Variants in MTUS2 observed in about 807,000 individuals in gnomAD.
MTUS2 encodes microtubule-associated tumor suppressor candidate 2.
MTUS2 carries 40 observed loss-of-function variants against 114.1 expected under a neutral mutation model. The observed-to-expected ratio is 0.35, with a 90% confidence interval of 0.27 to 0.46. The LOEUF (loss-of-function observed/expected upper bound fraction) is 0.46, where lower values mean the gene tolerates loss of function less well. MTUS2 is among the 20% of genes least tolerant of loss of function. MTUS2 has a pLI of 1.00. For synonymous variants in MTUS2, 688 were observed against 672.0 expected, an observed-to-expected ratio of 1.02 and a Z score of -0.37; for missense variants, 1,679 against 1,705.4, an observed-to-expected ratio of 0.98 and a Z score of 0.27.
chr13:29,227,021 G>T (rs1319301313), intron 5 of MTUS2, among the ~76,000 whole-genome samples: 1 of 152,136 alleles, frequency 6.6e-6, no homozygotes. Context: ...ACTTTGGGAG[G>T]CTGAGGCAGG....
At chr13:29,458,918 C>T (rs989680053) in intron 9 of MTUS2, among the ~76,000 whole-genome samples, 4 of 152,276 alleles carry the variant, frequency 2.6e-5, no homozygotes, top group Admixed American at 2.6e-4. Flanking sequence ...CCGTGCTTCT[C>T]TGCTCCACAA....
At chr13:29,170,482 A>G (rs1426816498) in intron 5 of MTUS2, among the ~76,000 whole-genome samples, 1 of 152,204 alleles carries the variant, frequency 6.6e-6, no homozygotes, top group Non-Finnish European at 1.5e-5. Flanking sequence ...TCTGCTTCTA[A>G]GAGAGCTGTG....
intron 9 of MTUS2, among the ~76,000 whole-genome samples, chr13:29,454,997 T>C (rs941966355): frequency 5.3e-5 from 8 of 152,182 alleles, no homozygotes; most frequent in Non-Finnish European, 1.2e-4. Context: ...TTTGACACCA[T>C]AGCCTGTAAT....
At chr13:29,090,703 C>T (rs1421888771) in intron 4 of MTUS2, among the ~76,000 whole-genome samples, 1 of 152,236 alleles carries the variant, frequency 6.6e-6, no homozygotes, top group Non-Finnish European at 1.5e-5. Flanking sequence ...GATGCCCATA[C>T]AAAACTGGTC....
chr13:28,991,505 G>T lies in MTUS2; in HGVS notation c.-242-32952G>T, dbSNP rs373672929. Among the ~76,000 whole-genome samples the T allele has an allele frequency of 1.1e-3, 165 of 151,936 alleles. 1 individual carries two copies. Among genetic ancestry groups the T allele is most frequent in the African/African-American group, 3.6e-3 (150 of 41,448 alleles). The stretch of plus-strand genomic sequence containing the variant: ...TGCCTCAGCCTCCTGAGTAGGTAGG[G>T]CTACAGGTGCCCACCACCACGCCTA... On this transcript the variant is annotated intron_variant, in intron 2 of 15. Transcript: ENST00000612955.
At chr13:28,961,925 T>A (rs776926822) in intron 2 of MTUS2, among the ~76,000 whole-genome samples, 1 of 152,152 alleles carries the variant, frequency 6.6e-6, no homozygotes, top group African/African-American at 2.4e-5. Context: ...ATGTCCATCA[T>A]TGGTTATCAG....
chr13:28,958,297 C>T (rs1883166356), intron 2 of MTUS2, among the ~76,000 whole-genome samples: 1 of 152,180 alleles, frequency 6.6e-6, no homozygotes, highest in South Asian at 2.1e-4. Flanking sequence ...GCGTGGGCTG[C>T]CTGTTTTCCC....
At chr13:29,281,973 G>T (rs1469326972) in intron 6 of MTUS2, 108 bp downstream of exon 6, 2 of 1,225,320 alleles carry the variant, frequency 1.6e-6, no homozygotes, top group Non-Finnish European at 2.2e-6. Context: ...AGGGATGATT[G>T]ATTAAATGAT....
At chr13:29,472,286 T>G (rs567537467) in intron 9 of MTUS2, among the ~76,000 whole-genome samples, 2 of 152,316 alleles carry the variant, frequency 1.3e-5, no homozygotes, top group African/African-American at 2.4e-5. Flanking sequence ...CCTCCCAAAG[T>G]GCTGGGATTA....
intron 2 of MTUS2, among the ~76,000 whole-genome samples, chr13:28,841,634 C>T (rs1199213213): frequency 2.0e-5 from 3 of 151,542 alleles, no homozygotes; most frequent in Non-Finnish European, 2.9e-5. Flanking sequence ...AAGGGGCCTC[C>T]TCTTTGTGGT....
chr13:29,172,694 T>G (rs1442400987), intron 5 of MTUS2, among the ~76,000 whole-genome samples: 1 of 152,114 alleles, frequency 6.6e-6, no homozygotes, highest in Admixed American at 6.6e-5. Context: ...TTATCTCAAT[T>G]AAAAATTGAG....
intron 2 of MTUS2, among the ~76,000 whole-genome samples, chr13:28,930,555 T>C (rs1435846882): frequency 2.0e-5 from 3 of 152,216 alleles, no homozygotes; most frequent in African/African-American, 7.2e-5. Flanking sequence ...GAAAAGTGTG[T>C]AGAACTCAGT....
chr13:28,990,674 A>G lies in MTUS2; in HGVS notation c.-242-33783A>G, dbSNP rs537549316. ...AATGGACCAATCAACACTCTGTAAA[A>G]TAGACCAATCAGCAGGACATGGGCG... On this transcript the variant is annotated intron_variant, in intron 2 of 15. Transcript: ENST00000612955. Among the ~76,000 whole-genome samples, 13 of 96,776 alleles carry G rather than the reference A, an allele frequency of 1.3e-4. No individual in the cohort carries two copies. In the South Asian group the frequency reaches 3.0e-3, roughly 22 times the overall value. The allele number at this position is 96,776 out of a possible 152,430, so 63.5% of individuals were successfully genotyped here.
At chr13:29,037,879 C>T (rs1173056146) in intron 4 of MTUS2, among the ~76,000 whole-genome samples, 6 of 152,222 alleles carry the variant, frequency 3.9e-5, no homozygotes, top group Admixed American at 6.5e-5. Context: ...TTATGTTCTT[C>T]TCTAGACTGG....
At chr13:28,997,933 A>T (rs1236438759) in intron 2 of MTUS2, among the ~76,000 whole-genome samples, 1 of 152,320 alleles carries the variant, frequency 6.6e-6, no homozygotes, top group East Asian at 1.9e-4. Context: ...TCCTGTCATT[A>T]TGATGTTAGC....
At chr13:29,196,780 A>T (rs1379983826) in intron 5 of MTUS2, among the ~76,000 whole-genome samples, 1 of 152,162 alleles carries the variant, frequency 6.6e-6, no homozygotes, top group Non-Finnish European at 1.5e-5. Flanking sequence ...CATATGGCAA[A>T]ATTTCTTTCC....
At chr13:29,122,735 T>A (rs2138915812) in intron 5 of MTUS2, among the ~76,000 whole-genome samples, 1 of 152,308 alleles carries the variant, frequency 6.6e-6, no homozygotes, top group East Asian at 1.9e-4. Context: ...TTTTAGAGAT[T>A]CTTATAGGAA....
At chr13:29,104,964 AAAC>A in intron 5 of MTUS2, among the ~76,000 whole-genome samples, 1 of 152,334 alleles carries the variant, frequency 6.6e-6, no homozygotes, top group Non-Finnish European at 1.5e-5. Context: ...TTAGTGTCGG[AAAC>A]ATACTATTAC....
At chr13:29,145,561 C>T (rs1020394167) in intron 5 of MTUS2, among the ~76,000 whole-genome samples, 1 of 152,076 alleles carries the variant, frequency 6.6e-6, no homozygotes, top group Non-Finnish European at 1.5e-5. Flanking sequence ...CATTATAAGA[C>T]CAAGGCCATT....
Sources: allele counts gnomAD v4.1 joint callset (sites outside exome capture counted in the v4.1 genomes callset), GRCh38; gene constraint gnomAD v4.1.1; transcripts MANE v1.5; gene names NCBI Gene and HGNC (gene_info 2026-07-23, HGNC 2026-07-21).